The following TMC2 variants were observed in gnomAD, a reference collection of about 807,000 sequenced individuals.
TMC2 encodes transmembrane channel like 2.
A neutral mutation model predicts 105.9 loss-of-function variants in TMC2; 102 were observed. The ratio of observed to expected loss-of-function variants is 0.96; its 90% CI spans 0.82 to 1.14. TMC2 has a LOEUF of 1.14. Ranked by LOEUF, TMC2 falls within the 50% of genes most tolerant of loss-of-function variation. The pLI is 0.00. For missense variants in TMC2, 1,093 were observed against 1,134.3 expected (o/e 0.96, Z 0.52); for synonymous variants, 402 against 422.8 (o/e 0.95, Z 0.60).
intron 16 of TMC2, among the ~76,000 whole-genome samples, chr20:2,618,688 C>T (rs1459494259): frequency 2.0e-5 from 3 of 152,220 alleles, no homozygotes; most frequent in African/African-American, 7.2e-5. Context: ...TGTGCATCTA[C>T]TGTTCTCTTT....
intron 2 of TMC2, among the ~76,000 whole-genome samples, chr20:2,544,139 C>T (rs1254742951): frequency 6.7e-6 from 1 of 149,250 alleles, no homozygotes; most frequent in Non-Finnish European, 1.5e-5. Context: ...TGGTCTCGAA[C>T]TCCTGACCTC....
At chr20:2,632,789 C>G (rs1247926070) in intron 17 of TMC2, among the ~76,000 whole-genome samples, 1 of 152,032 alleles carries the variant, frequency 6.6e-6, no homozygotes, top group Non-Finnish European at 1.5e-5. Context: ...TGGGGTTTCC[C>G]CATGTTGGCC....
intron 7 of TMC2, among the ~76,000 whole-genome samples, chr20:2,589,731 T>G (rs1004315586): frequency 2.0e-5 from 3 of 152,104 alleles, no homozygotes; most frequent in Admixed American, 1.3e-4. Context: ...GTGCAGTGGC[T>G]CAATCTCGGC....
chr20:2,602,569 T>C (rs1477737185), intron 11 of TMC2, among the ~76,000 whole-genome samples: 1 of 152,232 alleles, frequency 6.6e-6, no homozygotes, highest in African/African-American at 2.4e-5. Context: ...GAGGCGATCC[T>C]TTCCTCACAG....
chr20:2,580,097 C>CTTA (rs893836657), intron 7 of TMC2, 41 bp downstream of exon 7: 11 of 1,234,580 alleles, frequency 8.9e-6, no homozygotes, highest in African/African-American at 1.5e-5. Context: ...AGAGTTAAGG[C>CTTA]TTATGACCAC....
At chr20:2,628,545 G>T (rs1310268917) in intron 17 of TMC2, among the ~76,000 whole-genome samples, 1 of 152,098 alleles carries the variant, frequency 6.6e-6, no homozygotes, top group Non-Finnish European at 1.5e-5. Flanking sequence ...GGAGGTAATT[G>T]GTTCATGGAG....
intron 17 of TMC2, among the ~76,000 whole-genome samples, chr20:2,635,107 G>T (rs1600143673): frequency 6.6e-6 from 1 of 152,204 alleles, no homozygotes; most frequent in South Asian, 2.1e-4. Flanking sequence ...TCCACTCCAG[G>T]TGGCAGTCTG....
intron 13 of TMC2, among the ~76,000 whole-genome samples, chr20:2,612,965 T>C (rs554163595): frequency 6.6e-6 from 1 of 152,118 alleles, no homozygotes; most frequent in Non-Finnish European, 1.5e-5. Flanking sequence ...CTTCAAGAGG[T>C]TCAGAGATTA....
Position 2,558,885 on chromosome 20 carries a change from C to T in TMC2, c.401+111C>T. On this transcript the variant is annotated intron_variant, in intron 3 of 19. Coordinates refer to ENST00000358864, the MANE Select transcript of TMC2 (RefSeq NM_080751.3). This position sits in a 1 kb window ranked among gnomAD's most constrained non-coding sequence, Gnocchi z 4.6. ...GCCCCCCTCCCCGGGGAGAGGCAGC[C>T]CGTGCCCTCGCTCTGGCTTCCGTGC... 1 of 1,155,082 alleles carries T rather than the reference C, an allele frequency of 8.7e-7. No homozygotes were observed. The highest frequency in any genetic ancestry group is 1.2e-6 in the Non-Finnish European group (1 of 836,836). 71.6% of individuals were successfully genotyped at this position (1,155,082 alleles called of 1,614,324 possible). A position where few individuals can be genotyped will look rare whatever the true frequency, so the allele number is the denominator to read the frequency against.
intron 18 of TMC2, among the ~76,000 whole-genome samples, chr20:2,636,591 T>TC (rs1390750509): frequency 7.0e-6 from 1 of 142,592 alleles, no homozygotes; most frequent in Non-Finnish European, 1.5e-5. Context: ...TTGCTACTGG[T>TC]CCCCCCGTCC....
intron 13 of TMC2, 138 bp downstream of exon 13, chr20:2,612,478 G>C (rs1336585499): frequency 1.2e-6 from 1 of 861,036 alleles, no homozygotes; most frequent in Non-Finnish European, 1.6e-6. Context: ...TCATCTAGGA[G>C]GAAATAAAAT....
Position 2,597,190 on chromosome 20 carries a change from G to A in TMC2, c.1116G>A (p.Glu372=), listed in dbSNP as rs375406626. ...SNTQGSTGEG[E]SDNFTFSFKM... ...CCCAAGGAAGCACAGGCGAAGGGGA[G>A]AGTGACAACTTCACATTCAGCTTCA... The change falls in exon 10 of 20, where the codon GAG becomes GAA. Residue 372 remains glutamate, a synonymous_variant. Coordinates refer to ENST00000358864, the MANE Select transcript of TMC2 (RefSeq NM_080751.3). 1.2e-5 allele frequency: 19 copies of A among 1,613,992 alleles called. No homozygotes were observed. Among genetic ancestry groups the A allele is most frequent in the African/African-American group, 2.7e-5 (2 of 74,908 alleles).
In TMC2 at chr20:2,602,746, T is replaced by G. The variant is rs1024479569; in HGVS notation, c.1413+445T>G. On this transcript the variant is annotated intron_variant, in intron 11 of 19. Coordinates refer to ENST00000358864, the MANE Select transcript of TMC2 (RefSeq NM_080751.3). ...GATAGAGCGAGTTTTCTCATCAAGC[T>G]CCACAATAAAACACATTAAGGTTTT... is the stretch of plus-strand genomic sequence containing the variant. Among the ~76,000 whole-genome samples the G allele has an allele frequency of 2.6e-5, 4 of 152,364 alleles. No individual in the cohort carries two copies. The South Asian group carries it at 8.3e-4, about 32-fold the overall frequency.
chr20:2,575,399 A>G (rs1300695375), intron 5 of TMC2, among the ~76,000 whole-genome samples: 1 of 151,972 alleles, frequency 6.6e-6, no homozygotes, highest in Non-Finnish European at 1.5e-5. Context: ...ACTCAAAGGA[A>G]CAAAGTCGGA....
chr20:2,621,488 G>A (rs1364940341), intron 16 of TMC2, among the ~76,000 whole-genome samples: 1 of 151,744 alleles, frequency 6.6e-6, no homozygotes, highest in Non-Finnish European at 1.5e-5. Flanking sequence ...TTTGAACATG[G>A]AGAAACCCCA....
intron 2 of TMC2, among the ~76,000 whole-genome samples, chr20:2,545,104 G>A (rs1042555382): frequency 1.3e-5 from 2 of 152,040 alleles, no homozygotes; most frequent in Middle Eastern, 3.2e-3. Flanking sequence ...CTACACATGA[G>A]GCTGATATGG....
At chr20:2,542,839 GCAC>G (rs1048823566) in intron 2 of TMC2, among the ~76,000 whole-genome samples, 23 of 151,438 alleles carry the variant, frequency 1.5e-4, no homozygotes, top group Non-Finnish European at 2.4e-4. Flanking sequence ...CTACAGGCGA[GCAC>G]TACCACGCTT....
At chr20:2,538,259 C>T (rs1440875253) in intron 2 of TMC2, among the ~76,000 whole-genome samples, 4 of 152,164 alleles carry the variant, frequency 2.6e-5, no homozygotes, top group South Asian at 2.1e-4. Context: ...AAGAGCTGGG[C>T]AGAGGCTGGC....
intron 11 of TMC2, among the ~76,000 whole-genome samples, chr20:2,606,475 G>T (rs990676007): frequency 2.0e-5 from 3 of 152,236 alleles, no homozygotes; most frequent in Admixed American, 2.0e-4. Context: ...GGCCAGGCTG[G>T]TCTCAAACTC....
Sources: allele counts gnomAD v4.1 joint callset (sites outside exome capture counted in the v4.1 genomes callset), GRCh38; gene constraint gnomAD v4.1.1; non-coding constraint Gnocchi (gnomAD v3.1); transcripts MANE v1.5; gene names NCBI Gene and HGNC (gene_info 2026-07-23, HGNC 2026-07-21).